Variants in ANKRD12 observed in about 807,000 individuals in gnomAD.
The protein encoded by ANKRD12 is ankyrin repeat domain-containing protein 12.
In ANKRD12, 85 loss-of-function variants were observed where a neutral mutation model predicts 183.4. The observed-to-expected ratio is 0.46, with a 90% CI of 0.39 to 0.56. The LOEUF (loss-of-function observed/expected upper bound fraction) is 0.56. ANKRD12 is among the 20% of genes least tolerant of loss of function. ANKRD12 has a pLI of 0.00. For missense variants in ANKRD12, 2,405 were observed against 2,357.1 expected (o/e 1.02, Z -0.42); for synonymous variants, 914 against 800.2 (o/e 1.14, Z -2.40).
At chr18:9,140,331 T>C (rs117214442) in intron 1 of ANKRD12, among the ~76,000 whole-genome samples, 2,792 of 152,292 alleles carry the variant, frequency 0.018, 104 homozygotes, top group Admixed American at 0.091. Flanking sequence ...CTTTATTGTT[T>C]TCATCTTCTG....
At position 9,258,796 on chromosome 18, in the gene ANKRD12, G is replaced by A; in HGVS notation, c.5529G>A (p.Arg1843=). The A allele has an allele frequency of 6.2e-7, 1 of 1,613,656 alleles. No individual in the cohort carries two copies. The highest frequency in any genetic ancestry group is 8.5e-7 in the Non-Finnish European group (1 of 1,179,770). Residue 1843 remains arginine, a synonymous_variant, in exon 9 of 13, where the codon AGG becomes AGA. Coordinates refer to ENST00000262126, the MANE Select transcript of ANKRD12 (RefSeq NM_015208.5). ...CATATTTTGAATACTTGCACATAAG[G>A]AAAAAAATAGAAGAAAAACGCAAAT... The part of the protein sequence containing the change: ...ANPYFEYLHI[R]KKIEEKRKLL...
At chr18:9,243,772 TAA>T (rs1222655904) in intron 8 of ANKRD12, among the ~76,000 whole-genome samples, 3 of 152,248 alleles carry the variant, frequency 2.0e-5, no homozygotes, top group African/African-American at 7.2e-5. Flanking sequence ...AAATGGTTTT[TAA>T]AAAATGGACA....
At chr18:9,272,703 G>C (rs545583123) in intron 10 of ANKRD12, among the ~76,000 whole-genome samples, 4 of 152,150 alleles carry the variant, frequency 2.6e-5, no homozygotes, top group African/African-American at 9.7e-5. Context: ...TTTGCATCAA[G>C]GTTTTGGATA....
intron 1 of ANKRD12, among the ~76,000 whole-genome samples, chr18:9,166,036 C>T (rs1406208741): frequency 1.3e-5 from 2 of 152,020 alleles, no homozygotes; most frequent in African/African-American, 2.4e-5. Flanking sequence ...CATGTCCCTA[C>T]AAAGGACATG....
At position 9,217,670 on chromosome 18, in the gene ANKRD12, G is replaced by A. The variant is rs369311201; in HGVS notation, c.795+770G>A. Among the ~76,000 whole-genome samples, 14 of 152,182 alleles carry A rather than the reference G, an allele frequency of 9.2e-5. No individual in the cohort carries two copies. In the East Asian group the frequency reaches 2.7e-3, roughly 29 times the overall value. ...TAAAACTGATTCTTGCCTACCAGTGGTCTACTCTTTTCTCTGTGCTCCTTT... is the reference window on the plus strand; with the variant it reads ...TAAAACTGATTCTTGCCTACCAGTGATCTACTCTTTTCTCTGTGCTCCTTT... On this transcript the variant is annotated intron_variant, in intron 7 of 12. Coordinates refer to ENST00000262126, the MANE Select transcript of ANKRD12 (RefSeq NM_015208.5).
intron 1 of ANKRD12, among the ~76,000 whole-genome samples, chr18:9,180,040 A>G (rs1339420795): frequency 2.0e-5 from 3 of 152,194 alleles, no homozygotes; most frequent in African/African-American, 4.8e-5. Flanking sequence ...TGTTATGTCA[A>G]TAAAAAGTAT....
intron 10 of ANKRD12, 51 bp from the exon 11 acceptor site, chr18:9,275,473 A>T (rs2039786785): frequency 1.3e-6 from 2 of 1,567,658 alleles, no homozygotes; most frequent in Non-Finnish European, 1.7e-6. Flanking sequence ...ACTGTTCTTA[A>T]ACAAAAATTT....
At position 9,276,794 on chromosome 18, in the gene ANKRD12, A is replaced by T. The variant is rs554584031; in HGVS notation, c.5907+1127A>T. On this transcript the variant is annotated intron_variant, in intron 11 of 12. Coordinates refer to ENST00000262126, the MANE Select transcript of ANKRD12 (RefSeq NM_015208.5). ...TCAGAGATATCTGAGGATGCTATTA[A>T]CATGAATAATTGTGTCTCTTCAGAA... is the stretch of plus-strand genomic sequence containing the variant. Among the ~76,000 whole-genome samples, 3 of 152,344 alleles carry T rather than the reference A, an allele frequency of 2.0e-5. No homozygotes were observed. In the South Asian group the frequency reaches 6.2e-4, roughly 32 times the overall value.
intron 7 of ANKRD12, among the ~76,000 whole-genome samples, chr18:9,219,779 G>T (rs1163006465): frequency 1.3e-5 from 2 of 151,622 alleles, no homozygotes; most frequent in Non-Finnish European, 2.9e-5. Context: ...AAAAGCTTAG[G>T]AATCGATAGT....
At chr18:9,184,337 G>A (rs2033900227) in intron 2 of ANKRD12, among the ~76,000 whole-genome samples, 1 of 152,094 alleles carries the variant, frequency 6.6e-6, no homozygotes, top group African/African-American at 2.4e-5. Flanking sequence ...CAAGTCTTCA[G>A]CCATGGTTTC....
chr18:9,223,092 A>G (rs2036511326), intron 8 of ANKRD12, among the ~76,000 whole-genome samples: 1 of 152,204 alleles, frequency 6.6e-6, no homozygotes, highest in African/African-American at 2.4e-5. Context: ...AATTAAAACC[A>G]ACAACAACAT....
At chr18:9,199,086 A>C (rs1456383545) in intron 3 of ANKRD12, among the ~76,000 whole-genome samples, 1 of 152,072 alleles carries the variant, frequency 6.6e-6, no homozygotes, top group Non-Finnish European at 1.5e-5. Flanking sequence ...TGAGGCCAGG[A>C]GTTTGAGACC....
rs562238627 is a variant in ANKRD12 at position 9,183,011 on chromosome 18, GAGGTGTTTCC to G, written c.87+495_87+504del. Among the ~76,000 whole-genome samples the G allele has an allele frequency of 2.2e-4, 33 of 152,188 alleles. No individual in the cohort carries two copies. In the South Asian group the frequency reaches 4.6e-3, roughly 21 times the overall value. On this transcript the variant is annotated intron_variant, in intron 2 of 12. Coordinates refer to ENST00000262126, the MANE Select transcript of ANKRD12 (RefSeq NM_015208.5). ...GCCATTTTCTTACGGAAAGATGTCTGAGGTGTTTCCAGACATTTTTAACTAACGGAGTTGC... is the reference window on the plus strand; with the variant it reads ...GCCATTTTCTTACGGAAAGATGTCTGAGACATTTTTAACTAACGGAGTTGC...
intron 1 of ANKRD12, among the ~76,000 whole-genome samples, chr18:9,158,722 G>C (rs767010477): frequency 9.9e-5 from 15 of 152,050 alleles, no homozygotes; most frequent in Non-Finnish European, 1.8e-4. Flanking sequence ...GTATTCTTTG[G>C]AAGAAAGTCA....
rs1598498344 is a variant in ANKRD12, at chr18:9,189,869, A to G, written c.88-5682A>G. On this transcript the variant is annotated intron_variant, in intron 2 of 12. Transcript: ENST00000262126. ...CTGACAGAGACATACAAAGAGAATA[A>G]TGTTGTTTTCATGGCTGCTGACATG... Among the ~76,000 whole-genome samples the G allele has an allele frequency of 2.0e-5, 3 of 152,216 alleles. No individual in the cohort carries two copies. In the East Asian group the frequency reaches 5.8e-4, roughly 29 times the overall value.
At chr18:9,248,223 C>T (rs967829655) in intron 8 of ANKRD12, among the ~76,000 whole-genome samples, 2 of 152,166 alleles carry the variant, frequency 1.3e-5, no homozygotes, top group Non-Finnish European at 2.9e-5. Flanking sequence ...AATAGGAGAT[C>T]GTAATTTTAA....
intron 1 of ANKRD12, among the ~76,000 whole-genome samples, chr18:9,168,939 C>T (rs2032384050): frequency 6.6e-6 from 1 of 152,118 alleles, no homozygotes. Flanking sequence ...TCGTTGGTTT[C>T]AAAGAACATC....
chr18:9,258,151 C>T lies in ANKRD12; in HGVS notation c.4884C>T (p.Val1628=), dbSNP rs753903213. The T allele has an allele frequency of 1.2e-6, 2 of 1,613,756 alleles. No homozygotes were observed. Among genetic ancestry groups the T allele is most frequent in the Non-Finnish European group, 1.7e-6 (2 of 1,179,978 alleles). The stretch of plus-strand genomic sequence containing the variant: ...AGAATAGCACAACTGATACTCAGGT[C>T]ATTTCACATGAAAAAGAAAACAAAC... ...EVENSTTDTQ[V]ISHEKENKLE... Residue 1628 remains valine, a synonymous_variant, in exon 9 of 13, where the codon GTC becomes GTT. Transcript: ENST00000262126.
intron 1 of ANKRD12, among the ~76,000 whole-genome samples, chr18:9,154,570 C>T (rs1207602089): frequency 6.6e-6 from 1 of 152,096 alleles, no homozygotes; most frequent in African/African-American, 2.4e-5. Context: ...AAAACAACAA[C>T]AACACACACT....
Sources: gnomAD v4.1 joint callset for allele counts (sites outside exome capture counted in the v4.1 genomes callset) on GRCh38, gnomAD v4.1.1 for gene constraint, MANE v1.5 for transcripts, NCBI Gene and HGNC (gene_info 2026-07-23, HGNC 2026-07-21) for gene names.